Variants in ZMAT4 observed in about 807,000 individuals in gnomAD.
ZMAT4 encodes zinc finger matrin-type protein 4.
Under a neutral mutation model 28.7 loss-of-function variants are expected in ZMAT4, and 17 were observed. The observed-to-expected ratio is 0.59, with a 90% CI of 0.41 to 0.89. The LOEUF (loss-of-function observed/expected upper bound fraction) is 0.89. ZMAT4 is among the 40% of genes least tolerant of loss of function. The probability of loss-of-function intolerance (pLI) is 0.00; values close to 1 mark genes in which losing one functional copy is unlikely to be tolerated. For missense variants in ZMAT4, 240 were observed against 283.8 expected (o/e 0.85, Z 1.11); for synonymous variants, 117 against 109.2 (o/e 1.07, Z -0.44).
chr8:40,888,963 C>G (rs1256537860), intron 1 of ZMAT4, among the ~76,000 whole-genome samples: 2 of 152,186 alleles, frequency 1.3e-5, no homozygotes, highest in Admixed American at 6.5e-5. Flanking sequence ...CACATGGAAC[C>G]CCCAGAGTAG....
intron 4 of ZMAT4, among the ~76,000 whole-genome samples, chr8:40,688,572 T>C (rs1379954771): frequency 1.3e-5 from 2 of 152,142 alleles, no homozygotes; most frequent in African/African-American, 4.8e-5. Flanking sequence ...TTACAAACCT[T>C]AGGTGGATTT....
intron 1 of ZMAT4, among the ~76,000 whole-genome samples, chr8:40,890,639 A>G (rs1299636252): frequency 1.3e-5 from 2 of 151,950 alleles, no homozygotes; most frequent in Non-Finnish European, 1.5e-5. Flanking sequence ...CATTTTTCCT[A>G]GATGCAAATG....
intron 2 of ZMAT4, among the ~76,000 whole-genome samples, chr8:40,802,776 A>T (rs1349075959): frequency 6.6e-6 from 1 of 152,198 alleles, no homozygotes; most frequent in East Asian, 1.9e-4. Context: ...CTTAATATTG[A>T]AAAAGAAGAA....
chr8:40,663,723 AACC>A (rs1473811339), intron 5 of ZMAT4, among the ~76,000 whole-genome samples: 1 of 152,154 alleles, frequency 6.6e-6, no homozygotes, highest in African/African-American at 2.4e-5. Context: ...ATGCAAAAAT[AACC>A]AGGTGTAATC....
intron 5 of ZMAT4, among the ~76,000 whole-genome samples, chr8:40,584,694 CATG>C (rs889378574): frequency 1.3e-5 from 2 of 151,998 alleles, no homozygotes; most frequent in Non-Finnish European, 2.9e-5. Context: ...GTGCGAGTGA[CATG>C]ATGTCAGCTC....
intron 5 of ZMAT4, among the ~76,000 whole-genome samples, chr8:40,589,385 C>G (rs1804776783): frequency 6.6e-6 from 1 of 152,086 alleles, no homozygotes; most frequent in Admixed American, 6.5e-5. Flanking sequence ...GAAGTAGAAT[C>G]AAGGAAGTAT....
intron 6 of ZMAT4, among the ~76,000 whole-genome samples, chr8:40,569,508 G>A (rs561545832): frequency 1.3e-5 from 2 of 152,310 alleles, no homozygotes; most frequent in South Asian, 4.1e-4. Flanking sequence ...ATGAGGGTAA[G>A]TCCAGCAGCC....
At chr8:40,668,777 G>A (rs1356050323) in intron 5 of ZMAT4, among the ~76,000 whole-genome samples, 1 of 152,004 alleles carries the variant, frequency 6.6e-6, no homozygotes, top group African/African-American at 2.4e-5. Flanking sequence ...GGCTGTACAA[G>A]AAGCCCTGGA....
At chr8:40,744,731 C>T (rs1033702175) in intron 3 of ZMAT4, among the ~76,000 whole-genome samples, 4 of 152,170 alleles carry the variant, frequency 2.6e-5, no homozygotes, top group African/African-American at 7.2e-5. Flanking sequence ...CCCCCACCTT[C>T]GGCTAGGAAT....
At chr8:40,708,276 A>T (rs962149676) in intron 3 of ZMAT4, among the ~76,000 whole-genome samples, 1 of 152,188 alleles carries the variant, frequency 6.6e-6, no homozygotes, top group Admixed American at 6.6e-5. Flanking sequence ...TGGCATCAGG[A>T]GCGCATGTCC....
intron 2 of ZMAT4, among the ~76,000 whole-genome samples, chr8:40,797,237 A>G (rs1287597170): frequency 1.3e-5 from 2 of 152,134 alleles, no homozygotes; most frequent in Non-Finnish European, 2.9e-5. Flanking sequence ...CTAACACCAA[A>G]AAAAGCACCA....
chr8:40,546,776 A>G (rs995632261), intron 6 of ZMAT4, among the ~76,000 whole-genome samples: 4 of 152,034 alleles, frequency 2.6e-5, no homozygotes, highest in African/African-American at 9.7e-5. Context: ...CCAGGAAATC[A>G]CTCTGCTCCT....
rs1815969024 is a variant in ZMAT4, at chr8:40,824,743, GAAAAGAAA to G, written c.102+824_102+831del. Among the ~76,000 whole-genome samples, 2 of 138,160 alleles carry G rather than the reference GAAAAGAAA, an allele frequency of 1.4e-5. 1 individual carries two copies. The highest frequency in any genetic ancestry group is 1.5e-4 in the Admixed American group (2 of 13,528). The allele number at this position is 138,160 out of a possible 152,430, so 90.6% of individuals were successfully genotyped here. On this transcript the variant is annotated intron_variant, in intron 2 of 6. Coordinates refer to ENST00000297737, the MANE Select transcript of ZMAT4 (RefSeq NM_024645.3). ...AAGAAAGAAAGAAAGAAGAAAGAAA[GAAAAGAAA>G]AAAAGAAAGAAAGAAAAGAAAGAAA...
chr8:40,799,519 G>A (rs1814748640), intron 2 of ZMAT4, among the ~76,000 whole-genome samples: 1 of 152,016 alleles, frequency 6.6e-6, no homozygotes, highest in Non-Finnish European at 1.5e-5. Flanking sequence ...GGGCTCTGAG[G>A]GCTCTCTGAA....
chr8:40,671,660 T>C (rs1354489832), intron 5 of ZMAT4, among the ~76,000 whole-genome samples: 1 of 152,078 alleles, frequency 6.6e-6, no homozygotes, highest in Non-Finnish European at 1.5e-5. Context: ...TTCTCTGGAA[T>C]GGAGGGTTGG....
At chr8:40,557,154 G>T (rs937891434) in intron 6 of ZMAT4, among the ~76,000 whole-genome samples, 8 of 152,094 alleles carry the variant, frequency 5.3e-5, no homozygotes, top group Non-Finnish European at 7.4e-5. Flanking sequence ...CAAAGGAAAA[G>T]AAATGTATAT....
chr8:40,707,098 GTC>G (rs1810390269), intron 3 of ZMAT4, among the ~76,000 whole-genome samples: 1 of 151,972 alleles, frequency 6.6e-6, no homozygotes, highest in Admixed American at 6.6e-5. Flanking sequence ...GAAATGCCCC[GTC>G]TCTCTATATG....
chr8:40,566,479 G>T (rs1428510626), intron 6 of ZMAT4, among the ~76,000 whole-genome samples: 2 of 152,042 alleles, frequency 1.3e-5, no homozygotes, highest in African/African-American at 4.8e-5. Flanking sequence ...TCCAGGCTGG[G>T]ATGACTTTCT....
chr8:40,640,957 CAA>C (rs557407610), intron 5 of ZMAT4, among the ~76,000 whole-genome samples: 3 of 74,858 alleles, frequency 4.0e-5, no homozygotes, highest in African/African-American at 5.0e-5. Context: ...GACTCCATCT[CAA>C]AAAAAAAAAA....
Sources: allele counts gnomAD v4.1 joint callset (sites outside exome capture counted in the v4.1 genomes callset), GRCh38; gene constraint gnomAD v4.1.1; transcripts MANE v1.5; gene names NCBI Gene and HGNC (gene_info 2026-07-23, HGNC 2026-07-21).